The following KCNQ1OT1 variants were observed in gnomAD, a reference collection of about 807,000 sequenced individuals.
KCNQ1OT1 encodes the protein KCNQ1 antisense RNA 2 (non-protein coding).
In KCNQ1OT1 at chr11:2,611,074, G is replaced by C; in HGVS notation, n.88921C>G. On this transcript the variant is annotated non_coding_transcript_exon_variant, in exon 1 of 1. Coordinates refer to ENST00000597346, the Ensembl canonical transcript of KCNQ1OT1. The surrounding 1 kb of genome is among the most constrained non-coding windows in gnomAD (Gnocchi z 5.3). ...CATATACTTCAGGGCTGTGTTTTTA[G>C]CTGTTATAAATTTTTATTTCTTTAT... The C allele has an allele frequency of 2.5e-6, 1 of 398,148 alleles. No individual in the cohort carries two copies. 24.7% of individuals were successfully genotyped at this position (398,148 alleles called of 1,614,324 possible).
At chr11:2,615,935 G>T (rs1849055025) in exon 1 of KCNQ1OT1, 1 of 397,948 alleles carries the variant, frequency 2.5e-6, no homozygotes, top group Admixed American at 4.4e-5. Flanking sequence ...GAGAGGGATT[G>T]GTGTGAATTC....
chr11:2,678,913 T>C lies in KCNQ1OT1; in HGVS notation n.21082A>G, dbSNP rs900862020. The C allele has an allele frequency of 2.0e-5, 8 of 398,476 alleles. No individual in the cohort carries two copies. The highest frequency in any genetic ancestry group is 1.6e-4 in the African/African-American group (8 of 48,594). The allele number at this position is 398,476 out of a possible 1,614,324, so 24.7% of individuals were successfully genotyped here. A position where few individuals can be genotyped will look rare whatever the true frequency, so the allele number is the denominator to read the frequency against. On this transcript the variant is annotated non_coding_transcript_exon_variant, in exon 1 of 1. Coordinates refer to ENST00000597346, the Ensembl canonical transcript of KCNQ1OT1. This position sits in a 1 kb window ranked among gnomAD's most constrained non-coding sequence, Gnocchi z 4.9. ...ATTTCGTATACATGTATGATCATAC[T>C]TTCAGGGCATCTTGGAAAAACTGAA...
exon 1 of KCNQ1OT1, chr11:2,615,942 A>G (rs1849055338): frequency 5.0e-6 from 2 of 397,994 alleles, no homozygotes. Context: ...ATTGGTGTGA[A>G]TTCTTCAAGT....
In KCNQ1OT1 at chr11:2,685,736, A is replaced by G. The variant is rs368584718; in HGVS notation, n.14259T>C. ...GGGAGGGTGCTCTGACAGTCCGCCGAAATGGCCAGCAGGCAGGCATCCTCC... is the reference window on the plus strand; with the variant it reads ...GGGAGGGTGCTCTGACAGTCCGCCGGAATGGCCAGCAGGCAGGCATCCTCC... On this transcript the variant is annotated non_coding_transcript_exon_variant, in exon 1 of 1. Coordinates refer to ENST00000597346, the Ensembl canonical transcript of KCNQ1OT1. The G allele has an allele frequency of 4.9e-4, 194 of 398,668 alleles. 1 individual carries two copies. Among genetic ancestry groups the G allele is most frequent in the African/African-American group, 3.8e-3 (184 of 48,728 alleles). The allele number at this position is 398,668 out of a possible 1,614,324, so 24.7% of individuals were successfully genotyped here. A position where few individuals can be genotyped will look rare whatever the true frequency, so the allele number is the denominator to read the frequency against.
chr11:2,667,337 T>A, exon 1 of KCNQ1OT1: 1 of 398,626 alleles, frequency 2.5e-6, no homozygotes, highest in Non-Finnish European at 4.4e-6. Flanking sequence ...CAGTGAGGCT[T>A]CTCATTTCCT....
chr11:2,610,549 A>G (rs564699891), exon 1 of KCNQ1OT1: 2 of 398,316 alleles, frequency 5.0e-6, no homozygotes, highest in East Asian at 3.6e-5. Flanking sequence ...GCTTTTGGAT[A>G]TATGTGAACT....
At position 2,687,458 on chromosome 11, in the gene KCNQ1OT1, G is replaced by A; in HGVS notation, n.12537C>T. 2.5e-6 allele frequency: 1 copy of A among 398,770 alleles called. No homozygotes were observed. The highest frequency in any genetic ancestry group is 3.6e-5 in the East Asian group (1 of 28,056). 24.7% of individuals were successfully genotyped at this position (398,770 alleles called of 1,614,324 possible). ...TCCATACAGATCCCTGCCTGCACAA[G>A]AGCTGCTGCAGCATTTCAATAGGGC... On this transcript the variant is annotated non_coding_transcript_exon_variant, in exon 1 of 1. Transcript: ENST00000597346. The surrounding 1 kb of genome is among the most constrained non-coding windows in gnomAD (Gnocchi z 5.0).
chr11:2,660,878 G>A, exon 1 of KCNQ1OT1: 1 of 398,586 alleles, frequency 2.5e-6, no homozygotes, highest in East Asian at 3.6e-5. Context: ...AGATGAATAT[G>A]GCATCATAGT....
Position 2,664,303 on chromosome 11 carries a change from T to G in KCNQ1OT1, n.35692A>C, listed in dbSNP as rs546613104. On this transcript the variant is annotated non_coding_transcript_exon_variant, in exon 1 of 1. Coordinates refer to ENST00000597346, the Ensembl canonical transcript of KCNQ1OT1. This position sits in a 1 kb window ranked among gnomAD's most constrained non-coding sequence, Gnocchi z 5.1. ...AAAGGGGCCACCTTGAGGCATTGTGTTCTGGTCAGGGAAGACTCAGGGCTG... is the reference window on the plus strand; with the variant it reads ...AAAGGGGCCACCTTGAGGCATTGTGGTCTGGTCAGGGAAGACTCAGGGCTG... The G allele has an allele frequency of 2.5e-6, 1 of 398,956 alleles. No individual in the cohort carries two copies. The highest frequency in any genetic ancestry group is 4.4e-6 in the Non-Finnish European group (1 of 226,470). The allele number at this position is 398,956 out of a possible 1,614,324, so 24.7% of individuals were successfully genotyped here.
chr11:2,691,126 C>T lies in KCNQ1OT1; in HGVS notation n.8869G>A, dbSNP rs1235348946. 2 of 398,554 alleles carry T rather than the reference C, an allele frequency of 5.0e-6. No individual in the cohort carries two copies. The highest frequency in any genetic ancestry group is 8.8e-6 in the Non-Finnish European group (2 of 226,118). 24.7% of individuals were successfully genotyped at this position (398,554 alleles called of 1,614,324 possible). Reference sequence around the variant, plus strand: ...ACAGTAGGGGTGGAGGCTGTGCAGACCTGGTGCAGAGTCTGTGCTGGCCTC... The same window carrying T: ...ACAGTAGGGGTGGAGGCTGTGCAGATCTGGTGCAGAGTCTGTGCTGGCCTC... On this transcript the variant is annotated non_coding_transcript_exon_variant, in exon 1 of 1. Coordinates refer to ENST00000597346, the Ensembl canonical transcript of KCNQ1OT1. This position sits in a 1 kb window ranked among gnomAD's most constrained non-coding sequence, Gnocchi z 6.4.
At chr11:2,637,001 A>T (rs1275699993) in exon 1 of KCNQ1OT1, 1 of 152,128 alleles carries the variant, frequency 6.6e-6, no homozygotes, top group Non-Finnish European at 1.5e-5. Flanking sequence ...CTCTGATGGT[A>T]GTTTGTATTT....
exon 1 of KCNQ1OT1, chr11:2,643,011 T>A: frequency 2.5e-6 from 1 of 397,986 alleles, no homozygotes; most frequent in Non-Finnish European, 4.4e-6. Flanking sequence ...TATTGTGGTC[T>A]GAGAAGATAT....
exon 1 of KCNQ1OT1, chr11:2,667,961 G>T: frequency 2.5e-6 from 1 of 398,674 alleles, no homozygotes. Context: ...CCCCCAGAAA[G>T]CCTCTCAGGC....
chr11:2,630,372 C>A (rs55759353), exon 1 of KCNQ1OT1: 1 of 397,898 alleles, frequency 2.5e-6, no homozygotes, highest in Non-Finnish European at 4.4e-6. Context: ...CAGTTATTTT[C>A]TTTTCTTATA....
rs971525748 is a variant in KCNQ1OT1 at position 2,677,168 on chromosome 11, T to G, written n.22827A>C. On this transcript the variant is annotated non_coding_transcript_exon_variant, in exon 1 of 1. Coordinates refer to ENST00000597346, the Ensembl canonical transcript of KCNQ1OT1. The surrounding 1 kb of genome is among the most constrained non-coding windows in gnomAD (Gnocchi z 4.5). ...CACTGTTGTTTCTCCCTATCCATCT[T>G]ATCCCTACTTGTATCTCTGCTGACT... 20 of 398,638 alleles carry G rather than the reference T, an allele frequency of 5.0e-5. No homozygotes were observed. Among genetic ancestry groups the G allele is most frequent in the African/African-American group, 3.9e-4 (19 of 48,758 alleles). 24.7% of individuals were successfully genotyped at this position (398,638 alleles called of 1,614,324 possible).
chr11:2,615,522 A>G (rs957889345), exon 1 of KCNQ1OT1: 9 of 397,854 alleles, frequency 2.3e-5, no homozygotes, highest in Non-Finnish European at 2.2e-5. Context: ...CTCATTAAGT[A>G]TATTAGTTGT....
rs895044105 is a variant in KCNQ1OT1, at chr11:2,673,358, G to A, written n.26637C>T. ...GAAACAGTCTCATTAGCAAACAAAG[G>A]GAAGTGACAGAGCAGAGCTCCCCTT... On this transcript the variant is annotated non_coding_transcript_exon_variant, in exon 1 of 1. Transcript: ENST00000597346. This position sits in a 1 kb window ranked among gnomAD's most constrained non-coding sequence, Gnocchi z 4.5. 3 of 398,576 alleles carry A rather than the reference G, an allele frequency of 7.5e-6. No individual in the cohort carries two copies. The highest frequency in any genetic ancestry group is 1.3e-5 in the Non-Finnish European group (3 of 226,106). 24.7% of individuals were successfully genotyped at this position (398,576 alleles called of 1,614,324 possible).
chr11:2,617,617 A>G lies in KCNQ1OT1; in HGVS notation n.82378T>C, dbSNP rs977836791. 1 of 398,324 alleles carries G rather than the reference A, an allele frequency of 2.5e-6. No homozygotes were observed. The highest frequency in any genetic ancestry group is 2.1e-5 in the African/African-American group (1 of 48,608). The allele number at this position is 398,324 out of a possible 1,614,324, so 24.7% of individuals were successfully genotyped here. A position where few individuals can be genotyped will look rare whatever the true frequency, so the allele number is the denominator to read the frequency against. On this transcript the variant is annotated non_coding_transcript_exon_variant, in exon 1 of 1. Coordinates refer to ENST00000597346, the Ensembl canonical transcript of KCNQ1OT1. This position sits in a 1 kb window ranked among gnomAD's most constrained non-coding sequence, Gnocchi z 4.6. ...GTGGGTCAGATGATAGTATATTTTC[A>G]ATTTCTTTAGGAGCCACCATTCTGT...
rs1410931891 is a variant in KCNQ1OT1, at chr11:2,669,522, GT to G, written n.30472del. ...CTTGTCAGCTAATGGTTTGATGTAT[GT>G]TCGCTGAATCCAGGGACAAGGTCTG... On this transcript the variant is annotated non_coding_transcript_exon_variant, in exon 1 of 1. Coordinates refer to ENST00000597346, the Ensembl canonical transcript of KCNQ1OT1. This position sits in a 1 kb window ranked among gnomAD's most constrained non-coding sequence, Gnocchi z 5.6. The G allele has an allele frequency of 5.0e-6, 2 of 398,548 alleles. No homozygotes were observed. The highest frequency in any genetic ancestry group is 8.8e-6 in the Non-Finnish European group (2 of 226,088). The allele number at this position is 398,548 out of a possible 1,614,324, so 24.7% of individuals were successfully genotyped here. A position where few individuals can be genotyped will look rare whatever the true frequency, so the allele number is the denominator to read the frequency against.
Sources: allele counts gnomAD v4.1 joint callset, GRCh38; gene constraint gnomAD v4.1.1; non-coding constraint Gnocchi (gnomAD v3.1); transcripts MANE v1.5; gene names NCBI Gene and HGNC (gene_info 2026-07-23, HGNC 2026-07-21).